The following CAMTA1 variants were observed in gnomAD, a reference collection of about 807,000 sequenced individuals.
CAMTA1 encodes calmodulin-binding transcription activator 1.
CAMTA1 carries 27 observed loss-of-function variants against 170.9 expected under a neutral mutation model. The observed-to-expected ratio is 0.16, with a 90% confidence interval of 0.12 to 0.22. The LOEUF is 0.22. Among genes scored for constraint, CAMTA1 ranks in the 10% least tolerant of loss-of-function variants. The probability of loss-of-function intolerance (pLI) is 1.00; values close to 1 mark genes in which losing one functional copy is unlikely to be tolerated. For synonymous variants in CAMTA1, 833 were observed against 891.5 expected (o/e 0.93, Z 1.17); for missense variants, 1,619 against 2,217.2 (o/e 0.73, Z 5.42).
intron 3 of CAMTA1, among the ~76,000 whole-genome samples, chr1:7,084,637 T>A (rs1199652564): frequency 1.3e-5 from 2 of 152,190 alleles, no homozygotes; most frequent in Non-Finnish European, 2.9e-5. Context: ...TGGAACAGCT[T>A]CCTTCACATG....
rs2096076335 is a variant in CAMTA1 at position 7,673,240 on chromosome 1, G to A, written c.2779+2203G>A. ...TGGGCTTTGTGTGGCCCCGGGGCTG[G>A]AGTCAGCCACACTCGGGTCCATCCC... On this transcript the variant is annotated intron_variant, in intron 10 of 22. Coordinates refer to ENST00000303635, the MANE Select transcript of CAMTA1 (RefSeq NM_015215.4). This position sits in a 1 kb window ranked among gnomAD's most constrained non-coding sequence, Gnocchi z 4.6. 6.6e-6 allele frequency among the ~76,000 whole-genome samples: 1 copy of A among 152,222 alleles called. No homozygotes were observed. Among genetic ancestry groups the A allele is most frequent in the African/African-American group, 2.4e-5 (1 of 41,460 alleles).
chr1:7,140,965 C>G (rs74051149), intron 4 of CAMTA1, among the ~76,000 whole-genome samples: 8,554 of 152,196 alleles, frequency 0.056, 571 homozygotes, highest in African/African-American at 0.16. Flanking sequence ...ACCTTTTCTT[C>G]CTTTCTGTCT....
chr1:6,928,728 G>A (rs1047562030), intron 3 of CAMTA1, among the ~76,000 whole-genome samples: 6 of 152,096 alleles, frequency 3.9e-5, no homozygotes, highest in African/African-American at 7.2e-5. Context: ...TATCAGGCCC[G>A]TCCTTGGCTT....
intron 4 of CAMTA1, among the ~76,000 whole-genome samples, chr1:7,156,864 C>T (rs181288677): frequency 2.6e-4 from 40 of 152,216 alleles, no homozygotes; most frequent in Middle Eastern, 3.4e-3. Flanking sequence ...CCACTACCAC[C>T]GCCATACTCA....
At chr1:7,365,918 G>A (rs2085929255) in intron 5 of CAMTA1, among the ~76,000 whole-genome samples, 3 of 152,168 alleles carry the variant, frequency 2.0e-5, no homozygotes, top group Admixed American at 6.5e-5. Context: ...CCGCGCACAG[G>A]GTCATCAGCT....
chr1:7,241,818 C>T (rs776006194), intron 4 of CAMTA1, among the ~76,000 whole-genome samples: 1 of 152,046 alleles, frequency 6.6e-6, no homozygotes, highest in Non-Finnish European at 1.5e-5. Flanking sequence ...TGGATCATGA[C>T]CTAAATGCAA....
rs191851484 is a variant in CAMTA1, at chr1:7,523,740, G to A, written c.510+55839G>A. 2.1e-3 allele frequency among the ~76,000 whole-genome samples: 323 copies of A among 150,994 alleles called. 2 individuals are homozygous for A. Among genetic ancestry groups the A allele is most frequent in the African/African-American group, 7.4e-3 (304 of 40,954 alleles). On this transcript the variant is annotated intron_variant, in intron 6 of 22. Coordinates refer to ENST00000303635, the MANE Select transcript of CAMTA1 (RefSeq NM_015215.4). ...AAATATACAAAAAAAAAAATTAGCC[G>A]GGCGTGGTAGTGGGCACCTGTAGTC...
chr1:7,479,470 A>C (rs1193188), intron 6 of CAMTA1, among the ~76,000 whole-genome samples: 92,451 of 152,020 alleles, frequency 0.61, 28,869 homozygotes, highest in African/African-American at 0.76. Flanking sequence ...GGGGGATTTT[A>C]TGCTCTTTTT....
intron 17 of CAMTA1, among the ~76,000 whole-genome samples, chr1:7,745,253 C>G (rs879298743): frequency 6.6e-6 from 1 of 152,108 alleles, no homozygotes; most frequent in Non-Finnish European, 1.5e-5. Context: ...AAGCTGGGCG[C>G]GGTGGCTCAT....
chr1:6,940,234 A>G (rs1008312782), intron 3 of CAMTA1, among the ~76,000 whole-genome samples: 2 of 152,168 alleles, frequency 1.3e-5, no homozygotes, highest in African/African-American at 4.8e-5. Flanking sequence ...CCCATGATCT[A>G]CTCTCTGTGA....
At position 7,682,899 on chromosome 1, in the gene CAMTA1, C is replaced by T. The variant is rs927443354; in HGVS notation, c.2914+5166C>T. Among the ~76,000 whole-genome samples the T allele has an allele frequency of 2.0e-5, 3 of 152,198 alleles. No individual in the cohort carries two copies. Among genetic ancestry groups the T allele is most frequent in the African/African-American group, 4.8e-5 (2 of 41,446 alleles). On this transcript the variant is annotated intron_variant, in intron 11 of 22. Transcript: ENST00000303635. This position sits in a 1 kb window ranked among gnomAD's most constrained non-coding sequence, Gnocchi z 5.0. Reference sequence around the variant, plus strand: ...GAACATACACAGAGTTGGCTGGGTGCGGTGGCTCACGCCTGTGATCCCAGC... The same window carrying T: ...GAACATACACAGAGTTGGCTGGGTGTGGTGGCTCACGCCTGTGATCCCAGC...
In CAMTA1 at chr1:6,819,239, G is replaced by T. The variant is rs1327119828; in HGVS notation, c.46-942G>T. Among the ~76,000 whole-genome samples, 3 of 152,078 alleles carry T rather than the reference G, an allele frequency of 2.0e-5. No individual in the cohort carries two copies. The East Asian group carries it at 5.8e-4, about 29-fold the overall frequency. ...ATAATCTAAAATTTTATTTAATACT[G>T]CAGCCAAACAAAAAAGATATTTTTA... is the stretch of plus-strand genomic sequence containing the variant. On this transcript the variant is annotated intron_variant, in intron 1 of 22. Coordinates refer to ENST00000303635, the MANE Select transcript of CAMTA1 (RefSeq NM_015215.4).
At chr1:7,103,831 CAACTA>C (rs1375097123) in intron 4 of CAMTA1, among the ~76,000 whole-genome samples, 2 of 81,644 alleles carry the variant, frequency 2.4e-5, no homozygotes, top group African/African-American at 1.7e-4. Context: ...CATGCACACA[CAACTA>C]CACACATGTA....
chr1:6,871,993 T>C (rs1668531295), intron 3 of CAMTA1: 7 of 1,201,248 alleles, frequency 5.8e-6, no homozygotes, highest in Non-Finnish European at 7.4e-6. Flanking sequence ...ATTTTCTGTA[T>C]TAAAATTCAT....
rs557276764 is a variant in CAMTA1, at chr1:7,533,064, G to T, written c.510+65163G>T. Among the ~76,000 whole-genome samples the T allele has an allele frequency of 3.0e-4, 46 of 152,232 alleles. 1 individual carries two copies. Among genetic ancestry groups the T allele is most frequent in the Non-Finnish European group, 6.5e-4 (44 of 68,022 alleles). ...TACTGAGAGAAACAAGAGTAAGGCA[G>T]TTGGAGGTACACTCCTGGGTTAATT... is the stretch of plus-strand genomic sequence containing the variant. On this transcript the variant is annotated intron_variant, in intron 6 of 22. Coordinates refer to ENST00000303635, the MANE Select transcript of CAMTA1 (RefSeq NM_015215.4).
At chr1:7,264,986 G>A (rs949309003) in intron 5 of CAMTA1, among the ~76,000 whole-genome samples, 2 of 152,322 alleles carry the variant, frequency 1.3e-5, no homozygotes, top group South Asian at 2.1e-4. Context: ...TAGCAGTCGC[G>A]GCTTCCTTGG....
chr1:7,632,122 GTTCA>G (rs1424635240), intron 6 of CAMTA1, among the ~76,000 whole-genome samples: 2 of 152,186 alleles, frequency 1.3e-5, no homozygotes, highest in Non-Finnish European at 2.9e-5. Context: ...TACCCTCGTT[GTTCA>G]TTAAGCATCC....
intron 4 of CAMTA1, among the ~76,000 whole-genome samples, chr1:7,242,341 G>A (rs182691250): frequency 3.8e-4 from 58 of 152,288 alleles, no homozygotes; most frequent in African/African-American, 1.4e-3. Flanking sequence ...GGGAATGAAT[G>A]GAAAATGGTG....
chr1:6,951,738 C>T (rs1177375047), intron 3 of CAMTA1, among the ~76,000 whole-genome samples: 1 of 152,158 alleles, frequency 6.6e-6, no homozygotes, highest in African/African-American at 2.4e-5. Context: ...CCTTCCTGGG[C>T]CCTGTCCGAG....
Sources: gnomAD v4.1 joint callset for allele counts (sites outside exome capture counted in the v4.1 genomes callset) on GRCh38, gnomAD v4.1.1 for gene constraint, Gnocchi (gnomAD v3.1) non-coding constraint, MANE v1.5 for transcripts, NCBI Gene and HGNC (gene_info 2026-07-23, HGNC 2026-07-21) for gene names.